HLA-DMB: variants seen among roughly 807,000 people sequenced by gnomAD.
HLA-DMB encodes major histocompatibility complex, class II, DM beta.
In HLA-DMB, 18 loss-of-function variants were observed where a neutral mutation model predicts 29.3. The observed-to-expected ratio is 0.62, with a 90% CI of 0.43 to 0.91. The LOEUF is 0.91. Among genes scored for constraint, HLA-DMB ranks in the 40% least tolerant of loss-of-function variants. The pLI, the probability that HLA-DMB is intolerant of heterozygous loss-of-function variation, is 0.00. For synonymous variants in HLA-DMB, 143 were observed against 128.7 expected (o/e 1.11, Z -0.75); for missense variants, 258 against 320.9 (o/e 0.80, Z 1.50).
At position 32,937,188 on chromosome 6, in the gene HLA-DMB, G is replaced by A; in HGVS notation, c.606C>T (p.Pro202=). 3 of 1,597,094 alleles carry A rather than the reference G, an allele frequency of 1.9e-6. No homozygotes were observed. The highest frequency in any genetic ancestry group is 1.1e-5 in the South Asian group (1 of 89,770). Residue 202 remains proline, a synonymous_variant, in exon 3 of 6, where the codon CCC becomes CCT. Coordinates refer to ENST00000418107, the MANE Select transcript of HLA-DMB (RefSeq NM_002118.5). The surrounding 1 kb of genome is among the most constrained non-coding windows in gnomAD (Gnocchi z 4.1). The part of the protein sequence containing the change: ...CVVEHTGAPE[P]ILRDWTPGLS... ...TACACTTACTCCAGTCCCGAAGGAT[G>A]GGCTCAGGAGCCCCAGTGTGCTCTA...
chr6:32,938,156 T>C (rs970868162), intron 2 of HLA-DMB: 1 of 153,968 alleles, frequency 6.5e-6, no homozygotes, highest in African/African-American at 2.4e-5. Context: ...ACTAAGGGGC[T>C]TGCATCTTTA....
In HLA-DMB at chr6:32,937,435, G is replaced by A. The variant is rs777141527; in HGVS notation, c.359C>T (p.Ala120Val). 3.7e-6 allele frequency: 6 copies of A among 1,614,052 alleles called. No individual in the cohort carries two copies. The South Asian group carries it at 6.6e-5, about 18-fold the overall frequency. The change falls in exon 3 of 6, where the codon GCC becomes GTC. Residue 120 changes from alanine to valine, a missense_variant. Coordinates refer to ENST00000418107, the MANE Select transcript of HLA-DMB (RefSeq NM_002118.5). The surrounding 1 kb of genome is among the most constrained non-coding windows in gnomAD (Gnocchi z 4.1). ...NRTRPPSVQV[A>V]KTTPFNTREP... is the part of the protein sequence containing the mutation. ...CCTCGTGTTAAAAGGAGTGGTTTTGGCTACTTGCACAGATGGTGGCCCTGC... is the reference window on the plus strand; with the variant it reads ...CCTCGTGTTAAAAGGAGTGGTTTTGACTACTTGCACAGATGGTGGCCCTGC...
At chr6:32,935,463 G>A in intron 4 of HLA-DMB, 73 bp downstream of exon 4, 1 of 1,495,184 alleles carries the variant, frequency 6.7e-7, no homozygotes, top group South Asian at 1.1e-5. Flanking sequence ...AGGAAGGAGA[G>A]AGTTAATCAC....
chr6:32,934,778 G>A lies in HLA-DMB; in HGVS notation c.*193C>T, dbSNP rs1775900513. On this transcript the variant is annotated 3_prime_UTR_variant, in exon 6 of 6. Transcript: ENST00000418107. ...AGCCTTGGACAATAATTTGGTTACAGCATAGTCCCAGGAATGAGGTCCCCC... is the reference window on the plus strand; with the variant it reads ...AGCCTTGGACAATAATTTGGTTACAACATAGTCCCAGGAATGAGGTCCCCC... 1 of 625,016 alleles carries A rather than the reference G, an allele frequency of 1.6e-6. No homozygotes were observed. The highest frequency in any genetic ancestry group is 1.8e-5 in the African/African-American group (1 of 54,424). The allele number at this position is 625,016 out of a possible 1,614,324, so 38.7% of individuals were successfully genotyped here. A position where few individuals can be genotyped will look rare whatever the true frequency, so the allele number is the denominator to read the frequency against.
intron 5 of HLA-DMB, 161 bp downstream of exon 5, chr6:32,935,181 G>C: frequency 1.2e-6 from 1 of 823,888 alleles, no homozygotes; most frequent in Non-Finnish European, 2.0e-6. Context: ...GCTCCTTCCT[G>C]CTCTTAATCC....
At position 32,935,611 on chromosome 6, in the gene HLA-DMB, A is replaced by C. The variant is rs768453399; in HGVS notation, c.664T>G (p.Ser222Ala). Reference protein sequence around the residue: ...SPMQTLKVSVSAVTLGLGLII... With the variant: ...SPMQTLKVSVAAVTLGLGLII... ...AGGCCCAGGCCCAGAGTCACTGCAG[A>C]CACAGAAACCTTCAGGGTCTGCATG... The change falls in exon 4 of 6, where the codon TCT becomes GCT. Residue 222 changes from serine (S) to alanine (A), a missense_variant. By Grantham distance (99) the Ser-to-Ala change is moderately conservative. Transcript: ENST00000418107. The C allele has an allele frequency of 6.2e-7, 1 of 1,613,042 alleles. No homozygotes were observed. Among genetic ancestry groups the C allele is most frequent in the South Asian group, 1.1e-5 (1 of 91,082 alleles).
chr6:32,938,498 G>T, intron 2 of HLA-DMB, 186 bp downstream of exon 2: 2 of 527,570 alleles, frequency 3.8e-6, no homozygotes, highest in Non-Finnish European at 6.1e-6. Flanking sequence ...CTTTACTCCT[G>T]TTCCACTCAC....
In HLA-DMB at chr6:32,941,018, G is replaced by C; in HGVS notation, c.-211C>G. 1.9e-6 allele frequency: 1 copy of C among 516,450 alleles called. No individual in the cohort carries two copies. The highest frequency in any genetic ancestry group is 3.5e-6 in the Non-Finnish European group (1 of 285,028). 32.0% of individuals were successfully genotyped at this position (516,450 alleles called of 1,614,324 possible). A position where few individuals can be genotyped will look rare whatever the true frequency, so the allele number is the denominator to read the frequency against. ...ATTAAATCTGTTCCTTCCAGCTCAC[G>C]GGAGTCCAGTGTCCCAAACAGGGAC... On this transcript the variant is annotated 5_prime_UTR_variant, in exon 1 of 6. Transcript: ENST00000418107. This position sits in a 1 kb window ranked among gnomAD's most constrained non-coding sequence, Gnocchi z 5.2.
chr6:32,935,534 A>G lies in HLA-DMB; in HGVS notation c.739+2T>C, dbSNP rs1460423862. On this transcript the variant is annotated splice_donor_variant, in intron 4 of 5. Transcript: ENST00000418107. LOFTEE classifies it high-confidence loss of function. ...GGGATGGGAGTTCAGCGAGTCACTC[A>G]CTAGAGTGGCCAGCTCTCCGCCAGC... is the stretch of plus-strand genomic sequence containing the variant. The G allele has an allele frequency of 6.2e-7, 1 of 1,608,358 alleles. No individual in the cohort carries two copies. Among genetic ancestry groups the G allele is most frequent in the South Asian group, 1.1e-5 (1 of 90,984 alleles).
chr6:32,936,853 C>G (rs965763628), intron 3 of HLA-DMB: 15 of 269,514 alleles, frequency 5.6e-5, no homozygotes, highest in Admixed American at 4.8e-4. Context: ...ACGCTCCCCT[C>G]TCACCCTCAA....
intron 3 of HLA-DMB, 33 bp from the exon 4 acceptor site, chr6:32,935,685 T>C (rs1402677522): frequency 6.6e-7 from 1 of 1,511,424 alleles, no homozygotes; most frequent in Non-Finnish European, 9.2e-7. Flanking sequence ...TGACCCAGTT[T>C]CTGTTGCTCA....
intron 5 of HLA-DMB, 96 bp from the exon 6 acceptor site, chr6:32,935,083 T>C (rs777874103): frequency 3.7e-5 from 53 of 1,419,772 alleles, no homozygotes; most frequent in Non-Finnish European, 4.2e-5. Flanking sequence ...ACAGTGATAC[T>C]GAAAACTCCA....
chr6:32,936,872 G>A (rs1407202982), intron 3 of HLA-DMB: 5 of 288,882 alleles, frequency 1.7e-5, no homozygotes, highest in Non-Finnish European at 2.6e-5. Context: ...AAACATAGAC[G>A]CAGCAACATC....
intron 1 of HLA-DMB, 47 bp from the exon 2 acceptor site, chr6:32,939,012 C>A (rs1776186372): frequency 5.0e-6 from 6 of 1,203,876 alleles, no homozygotes; most frequent in Non-Finnish European, 6.5e-6. Flanking sequence ...TTCTACTGGC[C>A]TGGCAATAAA....
chr6:32,940,477 A>G (rs55988888), intron 1 of HLA-DMB, among the ~76,000 whole-genome samples: 3,366 of 152,318 alleles, frequency 0.022, 54 homozygotes, highest in South Asian at 0.038. Flanking sequence ...ATATTTATGA[A>G]GCACTTGCTG....
In HLA-DMB at chr6:32,934,833, G is replaced by C; in HGVS notation, c.*138C>G. The C allele has an allele frequency of 1.1e-6, 1 of 919,454 alleles. No homozygotes were observed. Among genetic ancestry groups the C allele is most frequent in the Non-Finnish European group, 1.7e-6 (1 of 586,448 alleles). The allele number at this position is 919,454 out of a possible 1,614,324, so 57.0% of individuals were successfully genotyped here. A position where few individuals can be genotyped will look rare whatever the true frequency, so the allele number is the denominator to read the frequency against. On this transcript the variant is annotated 3_prime_UTR_variant, in exon 6 of 6. Coordinates refer to ENST00000418107, the MANE Select transcript of HLA-DMB (RefSeq NM_002118.5). ...TGCTAAGTTTTACATAGGGGAGACTGGGAAATTCAAAGAATTGGATGGAGA... is the reference window on the plus strand; with the variant it reads ...TGCTAAGTTTTACATAGGGGAGACTCGGAAATTCAAAGAATTGGATGGAGA...
At chr6:32,935,209 A>T in intron 5 of HLA-DMB, 133 bp downstream of exon 5, 1 of 871,044 alleles carries the variant, frequency 1.1e-6, no homozygotes, top group Non-Finnish European at 1.9e-6. Flanking sequence ...GGCAGCTTAA[A>T]TCATGCCCTT....
At chr6:32,935,048 C>T (rs1421199496) in intron 5 of HLA-DMB, 61 bp from the exon 6 acceptor site, 3 of 1,586,234 alleles carry the variant, frequency 1.9e-6, no homozygotes, top group Non-Finnish European at 2.6e-6. Flanking sequence ...CATCGTTTGT[C>T]ACTGTAACCA....
At chr6:32,938,564 C>T (rs1776147323) in intron 2 of HLA-DMB, 120 bp downstream of exon 2, 3 of 1,014,696 alleles carry the variant, frequency 3.0e-6, no homozygotes, top group Non-Finnish European at 4.1e-6. Flanking sequence ...CATTTCAGAT[C>T]CACACATTTT....
Sources: gnomAD v4.1 joint callset for allele counts (sites outside exome capture counted in the v4.1 genomes callset) on GRCh38, gnomAD v4.1.1 for gene constraint, Gnocchi (gnomAD v3.1) non-coding constraint, MANE v1.5 for transcripts, NCBI Gene and HGNC (gene_info 2026-07-23, HGNC 2026-07-21) for gene names.